TCERG1L: variants seen among roughly 807,000 people sequenced by gnomAD.
TCERG1L encodes the protein transcription elongation regulator 1 like.
Under a neutral mutation model 56.3 loss-of-function variants are expected in TCERG1L, and 37 were observed. The ratio of observed to expected loss-of-function variants is 0.66; its 90% CI spans 0.51 to 0.87. TCERG1L has a LOEUF of 0.87. Ranked by LOEUF, TCERG1L falls within the 40% of genes least tolerant of loss-of-function variation. TCERG1L has a pLI of 0.00. For synonymous variants in TCERG1L, 324 were observed against 326.3 expected, an observed-to-expected ratio of 0.99 and a Z score of 0.08; for missense variants, 799 against 774.2, an observed-to-expected ratio of 1.03 and a Z score of -0.38.
chr10:131,205,285 A>G (rs1305195581), intron 4 of TCERG1L, among the ~76,000 whole-genome samples: 1 of 152,034 alleles, frequency 6.6e-6, no homozygotes, highest in African/African-American at 2.4e-5. Context: ...AATCAGATGC[A>G]TCCCAACTCT....
At chr10:131,264,847 C>T (rs1181770265) in intron 3 of TCERG1L, among the ~76,000 whole-genome samples, 1 of 152,246 alleles carries the variant, frequency 6.6e-6, no homozygotes, top group Non-Finnish European at 1.5e-5. Context: ...GACTTCAGGG[C>T]CCCTAAAACT....
intron 7 of TCERG1L, among the ~76,000 whole-genome samples, chr10:131,143,470 C>T (rs868707613): frequency 9.2e-5 from 14 of 152,282 alleles, no homozygotes; most frequent in Middle Eastern, 3.4e-3. Flanking sequence ...CCAGCTCCAA[C>T]AATTCCCACC....
At chr10:131,175,479 G>T (rs1325015462) in intron 4 of TCERG1L, among the ~76,000 whole-genome samples, 1 of 152,234 alleles carries the variant, frequency 6.6e-6, no homozygotes, top group East Asian at 1.9e-4. Context: ...GTCCCACTGG[G>T]TCCAGAGGAA....
At chr10:131,129,206 A>G (rs1052633156) in intron 8 of TCERG1L, among the ~76,000 whole-genome samples, 16 of 128,704 alleles carry the variant, frequency 1.2e-4, no homozygotes, top group Non-Finnish European at 2.6e-4. Context: ...AACCTCTAAG[A>G]GGAAAAAAAA....
At chr10:131,187,244 C>G (rs552040945) in intron 4 of TCERG1L, among the ~76,000 whole-genome samples, 1 of 152,384 alleles carries the variant, frequency 6.6e-6, no homozygotes, top group Admixed American at 6.5e-5. Context: ...ACCACCCCAG[C>G]TCCTGGTGCA....
chr10:131,125,602 C>T (rs559858721), intron 8 of TCERG1L, among the ~76,000 whole-genome samples: 4 of 152,324 alleles, frequency 2.6e-5, no homozygotes, highest in African/African-American at 7.2e-5. Context: ...AGTGCAGAAA[C>T]GTGCCTCTGG....
At chr10:131,262,724 T>C (rs1321864764) in intron 3 of TCERG1L, among the ~76,000 whole-genome samples, 1 of 152,068 alleles carries the variant, frequency 6.6e-6, no homozygotes, top group Non-Finnish European at 1.5e-5. Context: ...GACAGAGGCA[T>C]TGTAGGATCA....
At chr10:131,302,870 A>G (rs925433924) in intron 3 of TCERG1L, among the ~76,000 whole-genome samples, 2 of 151,860 alleles carry the variant, frequency 1.3e-5, no homozygotes, top group African/African-American at 2.4e-5. Flanking sequence ...GAGTGAGAAC[A>G]TGTGGTTTTT....
chr10:131,184,774 T>C (rs991620063), intron 4 of TCERG1L, among the ~76,000 whole-genome samples: 1 of 152,160 alleles, frequency 6.6e-6, no homozygotes, highest in Non-Finnish European at 1.5e-5. Context: ...TCCATCAGCC[T>C]CTCGCCTCAC....
At chr10:131,206,398 G>T (rs2944484) in intron 4 of TCERG1L, among the ~76,000 whole-genome samples, 1 of 151,980 alleles carries the variant, frequency 6.6e-6, no homozygotes, top group South Asian at 2.1e-4. Context: ...GCCCCAGACA[G>T]CCAAGGAAGG....
chr10:131,225,766 G>A (rs561705133), intron 4 of TCERG1L, among the ~76,000 whole-genome samples: 15 of 151,610 alleles, frequency 9.9e-5, no homozygotes, highest in Admixed American at 5.3e-4. Context: ...TGCACACAGC[G>A]ATGCCCCAGG....
At chr10:131,105,045 C>G (rs1277881144) in intron 9 of TCERG1L, among the ~76,000 whole-genome samples, 1 of 152,228 alleles carries the variant, frequency 6.6e-6, no homozygotes, top group African/African-American at 2.4e-5. Context: ...TCTCCTTGGA[C>G]TCCTCTTGGC....
intron 8 of TCERG1L, among the ~76,000 whole-genome samples, chr10:131,123,362 G>A (rs1203739347): frequency 6.6e-6 from 1 of 152,122 alleles, no homozygotes; most frequent in Non-Finnish European, 1.5e-5. Flanking sequence ...CCATCACAAG[G>A]CAGGCAGGAC....
At chr10:131,231,395 C>T (rs1251869869) in intron 4 of TCERG1L, among the ~76,000 whole-genome samples, 2 of 152,218 alleles carry the variant, frequency 1.3e-5, no homozygotes, top group Non-Finnish European at 2.9e-5. Flanking sequence ...TTACCGGCCC[C>T]TCCAGAGGCG....
intron 4 of TCERG1L, among the ~76,000 whole-genome samples, chr10:131,176,683 G>C (rs936775217): frequency 1.8e-5 from 2 of 112,718 alleles, no homozygotes; most frequent in African/African-American, 7.4e-5. Context: ...CACACACCAA[G>C]AAACATGCAC....
chr10:131,116,653 A>G (rs1270376520), intron 9 of TCERG1L, 146 bp downstream of exon 9: 1 of 1,105,334 alleles, frequency 9.0e-7, no homozygotes. Flanking sequence ...CTCAGTAAGG[A>G]GGACACATCA....
intron 9 of TCERG1L, among the ~76,000 whole-genome samples, chr10:131,110,496 C>A (rs923200115): frequency 6.6e-6 from 1 of 152,192 alleles, no homozygotes; most frequent in African/African-American, 2.4e-5. Flanking sequence ...ACCCTGAGCA[C>A]CCACAGCAGC....
chr10:131,211,165 G>A (rs1042654144), intron 4 of TCERG1L, among the ~76,000 whole-genome samples: 6 of 152,226 alleles, frequency 3.9e-5, no homozygotes, highest in Admixed American at 6.5e-5. Flanking sequence ...GGTCAGGGCC[G>A]TATGGCTCGG....
At chr10:131,174,308 C>G (rs1431933946) in intron 4 of TCERG1L, among the ~76,000 whole-genome samples, 1 of 152,252 alleles carries the variant, frequency 6.6e-6, no homozygotes, top group Non-Finnish European at 1.5e-5. Context: ...AGCATCACGC[C>G]CGGCCGCACA....
Sources: allele counts gnomAD v4.1 joint callset (sites outside exome capture counted in the v4.1 genomes callset), GRCh38; gene constraint gnomAD v4.1.1; transcripts MANE v1.5; gene names NCBI Gene and HGNC (gene_info 2026-07-23, HGNC 2026-07-21).